Variants in TAOK3 observed in about 807,000 individuals in gnomAD.
TAOK3 encodes the protein serine/threonine-protein kinase TAO3.
Under a neutral mutation model 120.4 loss-of-function variants are expected in TAOK3, and 40 were observed. The ratio of observed to expected loss-of-function variants is 0.33; its 90% confidence interval spans 0.26 to 0.43. The LOEUF is 0.43. TAOK3 is among the 20% of genes least tolerant of loss of function. The probability of loss-of-function intolerance (pLI) is 1.00; values close to 1 mark genes in which losing one functional copy is unlikely to be tolerated. For missense variants in TAOK3, 821 were observed against 1,112.1 expected, an observed-to-expected ratio of 0.74 and a Z score of 3.72; for synonymous variants, 355 against 387.5, an observed-to-expected ratio of 0.92 and a Z score of 0.99.
chr12:118,244,251 T>G (rs1448964025), intron 4 of TAOK3, among the ~76,000 whole-genome samples: 1 of 151,592 alleles, frequency 6.6e-6, no homozygotes, highest in African/African-American at 2.4e-5. Flanking sequence ...TTTGTAGAGG[T>G]GGGGTCTCAC....
intron 1 of TAOK3, among the ~76,000 whole-genome samples, chr12:118,276,014 G>C (rs958602141): frequency 1.3e-5 from 2 of 152,174 alleles, no homozygotes; most frequent in Non-Finnish European, 2.9e-5. Flanking sequence ...GATGTAGTAG[G>C]AGAAGAGATA....
intron 1 of TAOK3, among the ~76,000 whole-genome samples, chr12:118,321,889 A>G (rs756449988): frequency 1.3e-5 from 2 of 152,126 alleles, no homozygotes; most frequent in South Asian, 2.1e-4. Context: ...AGCCTGGAAA[A>G]GATGGAAAGG....
chr12:118,244,229 T>C (rs1185628575), intron 4 of TAOK3, among the ~76,000 whole-genome samples: 3 of 151,972 alleles, frequency 2.0e-5, no homozygotes, highest in Non-Finnish European at 4.4e-5. Flanking sequence ...ACCCAGCTAG[T>C]TTGTTTGATG....
intron 13 of TAOK3, among the ~76,000 whole-genome samples, chr12:118,196,395 T>C (rs2037731318): frequency 6.6e-6 from 1 of 152,194 alleles, no homozygotes; most frequent in South Asian, 2.1e-4. Context: ...AAAATGGTAA[T>C]CTGTTTCAGA....
chr12:118,242,041 C>T (rs890353159), intron 5 of TAOK3, among the ~76,000 whole-genome samples: 1 of 150,534 alleles, frequency 6.6e-6, no homozygotes, highest in South Asian at 2.1e-4. Flanking sequence ...CAGCCGAGAT[C>T]GCGCCATTGC....
rs1460837519 is a variant in TAOK3, at chr12:118,182,630, T to A, written c.1330-1023A>T. Among the ~76,000 whole-genome samples the A allele has an allele frequency of 9.7e-4, 140 of 144,088 alleles. 1 individual carries two copies. Among genetic ancestry groups the A allele is most frequent in the Middle Eastern group, 3.6e-3 (1 of 278 alleles). The allele number at this position is 144,088 out of a possible 152,430, so 94.5% of individuals were successfully genotyped here. A position where few individuals can be genotyped will look rare whatever the true frequency, so the allele number is the denominator to read the frequency against. On this transcript the variant is annotated intron_variant, in intron 14 of 20. Transcript: ENST00000392533. ...ATATATATATATATATATATTTTTT[T>A]TTTTTTTTAAGGATCATGTCTCTAA...
chr12:118,307,039 T>C (rs1006055280), intron 1 of TAOK3, among the ~76,000 whole-genome samples: 22 of 152,208 alleles, frequency 1.4e-4, no homozygotes, highest in African/African-American at 5.1e-4. Context: ...CAGTTCTAGA[T>C]AGTTCAAAAA....
chr12:118,218,468 C>G (rs746424306), intron 9 of TAOK3, among the ~76,000 whole-genome samples: 4 of 152,018 alleles, frequency 2.6e-5, no homozygotes, highest in Non-Finnish European at 5.9e-5. Context: ...CTGCACACAT[C>G]CTTCTGTCTG....
intron 1 of TAOK3, among the ~76,000 whole-genome samples, chr12:118,280,595 T>A (rs972572219): frequency 3.3e-4 from 50 of 152,338 alleles, no homozygotes; most frequent in African/African-American, 1.2e-3. Flanking sequence ...TTGGTTACTA[T>A]ATCATTATAG....
chr12:118,165,581 G>T (rs1225861969), intron 17 of TAOK3, among the ~76,000 whole-genome samples: 1 of 152,178 alleles, frequency 6.6e-6, no homozygotes, highest in Non-Finnish European at 1.5e-5. Context: ...ATATATGAAA[G>T]TTTGAGAATC....
At chr12:118,317,288 C>T (rs1186295760) in intron 1 of TAOK3, among the ~76,000 whole-genome samples, 7 of 135,726 alleles carry the variant, frequency 5.2e-5, no homozygotes, top group East Asian at 2.1e-4. Context: ...AAAAAAAAAT[C>T]GCTGGGAGAA....
At chr12:118,267,181 T>TA (rs2041485961) in intron 1 of TAOK3, among the ~76,000 whole-genome samples, 1 of 152,180 alleles carries the variant, frequency 6.6e-6, no homozygotes, top group Admixed American at 6.5e-5. Flanking sequence ...GGCTCTCCTA[T>TA]AACCAATCTT....
intron 3 of TAOK3, among the ~76,000 whole-genome samples, chr12:118,249,250 A>T (rs1009928575): frequency 6.6e-6 from 1 of 152,176 alleles, no homozygotes; most frequent in African/African-American, 2.4e-5. Flanking sequence ...TTATAGACAA[A>T]TATAAAAAAT....
chr12:118,274,470 T>C (rs972809772), intron 1 of TAOK3, among the ~76,000 whole-genome samples: 1 of 152,206 alleles, frequency 6.6e-6, no homozygotes, highest in African/African-American at 2.4e-5. Context: ...ATTCTTCTAG[T>C]CACTCTTTAA....
rs1214641528 is a variant in TAOK3, at chr12:118,151,289, G to GCGCGCA, written c.2536-132_2536-131insTGCGCG. The GCGCGCA allele has an allele frequency of 8.0e-4, 203 of 253,108 alleles. 1 individual carries two copies. The highest frequency in any genetic ancestry group is 6.3e-3 in the African/African-American group (178 of 28,120). 15.7% of individuals were successfully genotyped at this position (253,108 alleles called of 1,614,324 possible). A position where few individuals can be genotyped will look rare whatever the true frequency, so the allele number is the denominator to read the frequency against. On this transcript the variant is annotated intron_variant, in intron 20 of 20. Transcript: ENST00000392533. ...GCACACACATGAAGTGCGCGCGCGC[G>GCGCGCA]CACACACACACACACACACACACAC...
At chr12:118,294,390 T>C (rs1250554902) in intron 1 of TAOK3, among the ~76,000 whole-genome samples, 3 of 152,152 alleles carry the variant, frequency 2.0e-5, no homozygotes, top group South Asian at 2.1e-4. Context: ...CTTTTCTTTT[T>C]TTTTTCTTTT....
chr12:118,246,017 G>A (rs1449303948), intron 3 of TAOK3: 1 of 658,150 alleles, frequency 1.5e-6, no homozygotes, highest in East Asian at 3.0e-5. Context: ...TTGCAAAATA[G>A]TAATAATGTG....
intron 13 of TAOK3, among the ~76,000 whole-genome samples, chr12:118,194,383 G>A (rs2037595831): frequency 1.3e-5 from 2 of 152,192 alleles, no homozygotes; most frequent in Non-Finnish European, 2.9e-5. Context: ...GATAGTTGGA[G>A]AGAAAAGATG....
At chr12:118,157,111 G>A (rs2034887855) in intron 19 of TAOK3, among the ~76,000 whole-genome samples, 1 of 151,994 alleles carries the variant, frequency 6.6e-6, no homozygotes, top group Non-Finnish European at 1.5e-5. Flanking sequence ...CATCCAACCT[G>A]TCATTAAGTA....
Sources: allele counts gnomAD v4.1 joint callset (sites outside exome capture counted in the v4.1 genomes callset), GRCh38; gene constraint gnomAD v4.1.1; transcripts MANE v1.5; gene names NCBI Gene and HGNC (gene_info 2026-07-23, HGNC 2026-07-21).